Variants in PGLYRP4 observed in about 807,000 individuals in gnomAD.
The protein encoded by PGLYRP4 is peptidoglycan recognition protein 4.
Under a neutral mutation model 41.2 loss-of-function variants are expected in PGLYRP4, and 39 were observed. The ratio of observed to expected loss-of-function variants is 0.95; its 90% CI spans 0.73 to 1.24. The LOEUF (loss-of-function observed/expected upper bound fraction) is 1.24, where lower values mean the gene tolerates loss of function less well. Ranked by LOEUF, PGLYRP4 falls within the 50% of genes most tolerant of loss-of-function variation. The pLI is 0.00. For synonymous variants in PGLYRP4, 202 were observed against 186.8 expected (o/e 1.08, Z -0.66); for missense variants, 467 against 460.7 (o/e 1.01, Z -0.13).
intron 4 of PGLYRP4, among the ~76,000 whole-genome samples, chr1:153,344,471 A>C (rs1020768140): frequency 1.3e-5 from 2 of 152,152 alleles, no homozygotes; most frequent in African/African-American, 4.8e-5. Context: ...CCTGTCCCCC[A>C]GGAAGGCATT....
intron 4 of PGLYRP4, among the ~76,000 whole-genome samples, chr1:153,343,957 C>T (rs970796003): frequency 1.3e-5 from 2 of 152,182 alleles, no homozygotes; most frequent in East Asian, 3.9e-4. Flanking sequence ...AAGCACATTC[C>T]TTTCCCTTCA....
Position 153,337,761 on chromosome 1 carries a change from C to T in PGLYRP4, c.825-462G>A, listed in dbSNP as rs373371559. ...CCTTTTCTCCTTCTCACCAAGAAAACGGTTTCCCCCAAGGTGACCCAGGAT... is the reference window on the plus strand; with the variant it reads ...CCTTTTCTCCTTCTCACCAAGAAAATGGTTTCCCCCAAGGTGACCCAGGAT... On this transcript the variant is annotated intron_variant, in intron 7 of 8. Transcript: ENST00000359650. 3.9e-5 allele frequency among the ~76,000 whole-genome samples: 6 copies of T among 152,232 alleles called. No individual in the cohort carries two copies. The East Asian group carries it at 7.7e-4, about 20-fold the overall frequency.
At chr1:153,346,224 G>A (rs1557832338) in intron 2 of PGLYRP4, 33 bp from the exon 3 acceptor site, 1 of 1,516,324 alleles carries the variant, frequency 6.6e-7, no homozygotes, top group East Asian at 2.3e-5. Flanking sequence ...GCATCAGAGA[G>A]CACCAATACC....
At chr1:153,343,570 G>A (rs905609442) in intron 4 of PGLYRP4, among the ~76,000 whole-genome samples, 4 of 152,150 alleles carry the variant, frequency 2.6e-5, no homozygotes, top group African/African-American at 9.7e-5. Context: ...CCTCCAAAGT[G>A]TGTGCTGCCT....
chr1:153,340,281 G>A, intron 7 of PGLYRP4, 100 bp downstream of exon 7: 3 of 1,051,970 alleles, frequency 2.9e-6, no homozygotes, highest in Non-Finnish European at 4.4e-6. Context: ...CTCTCCTATG[G>A]TGACTACCCA....
intron 2 of PGLYRP4, among the ~76,000 whole-genome samples, chr1:153,347,113 C>T (rs1463370103): frequency 2.0e-5 from 3 of 152,084 alleles, no homozygotes; most frequent in Admixed American, 2.0e-4. Context: ...CTCACTCTGT[C>T]ACCAGGCTGG....
At chr1:153,340,847 T>C (rs900841206) in intron 6 of PGLYRP4, among the ~76,000 whole-genome samples, 7 of 152,246 alleles carry the variant, frequency 4.6e-5, no homozygotes, top group Non-Finnish European at 1.5e-5. Flanking sequence ...ATCATTTATG[T>C]TAACAGATGG....
rs775681320 is a variant in PGLYRP4 at position 153,330,669 on chromosome 1, G to C, written c.*98C>G. On this transcript the variant is annotated 3_prime_UTR_variant, in exon 9 of 9. Coordinates refer to ENST00000359650, the MANE Select transcript of PGLYRP4 (RefSeq NM_020393.4). Reference sequence around the variant, plus strand: ...AAGGAGGCACAGGACTGTGTGGCAGGGGAGGAGGGCAAAAGGTGTTGAGCC... The same window carrying C: ...AAGGAGGCACAGGACTGTGTGGCAGCGGAGGAGGGCAAAAGGTGTTGAGCC... 1.7e-5 allele frequency: 17 copies of C among 975,644 alleles called. No individual in the cohort carries two copies. The highest frequency in any genetic ancestry group is 2.7e-5 in the Non-Finnish European group (17 of 633,160). 60.4% of individuals were successfully genotyped at this position (975,644 alleles called of 1,614,324 possible). A position where few individuals can be genotyped will look rare whatever the true frequency, so the allele number is the denominator to read the frequency against.
chr1:153,340,270 C>T, intron 7 of PGLYRP4, 111 bp downstream of exon 7: 1 of 926,988 alleles, frequency 1.1e-6, no homozygotes, highest in East Asian at 2.5e-5. Flanking sequence ...CCATACAGTG[C>T]CTCTCCTATG....
At chr1:153,336,045 CGTGTGTGTGT>C (rs57345412) in intron 8 of PGLYRP4, among the ~76,000 whole-genome samples, 2 of 150,472 alleles carry the variant, frequency 1.3e-5, no homozygotes, top group African/African-American at 2.4e-5. Context: ...AGGGTGCGTG[CGTGTGTGTGT>C]GTGTGTGTGT....
chr1:153,335,382 A>T (rs1571127384), intron 8 of PGLYRP4, among the ~76,000 whole-genome samples: 1 of 152,198 alleles, frequency 6.6e-6, no homozygotes, highest in Non-Finnish European at 1.5e-5. Context: ...TGAGCAAAGG[A>T]TGTAGACAGA....
chr1:153,336,615 G>A (rs954193694), intron 8 of PGLYRP4, among the ~76,000 whole-genome samples: 6 of 152,036 alleles, frequency 3.9e-5, no homozygotes, highest in African/African-American at 7.2e-5. Flanking sequence ...GGGATAAGAC[G>A]TTATTTAATG....
intron 8 of PGLYRP4, 120 bp downstream of exon 8, chr1:153,337,061 G>A: frequency 1.2e-6 from 1 of 805,446 alleles, no homozygotes; most frequent in Non-Finnish European, 2.2e-6. Flanking sequence ...ATTGGAAGCT[G>A]GGTCAATCAA....
intron 8 of PGLYRP4, chr1:153,331,727 G>A (rs1660344759): frequency 6.6e-6 from 1 of 152,446 alleles, no homozygotes; most frequent in East Asian, 1.9e-4. Context: ...TTCCATATTT[G>A]TATGGAGAAA....
chr1:153,334,539 GA>G (rs1397731275), intron 8 of PGLYRP4, among the ~76,000 whole-genome samples: 1 of 149,064 alleles, frequency 6.7e-6, no homozygotes, highest in African/African-American at 2.5e-5. Context: ...AAACACTGAT[GA>G]AAAAAATTGT....
chr1:153,335,840 AT>A (rs1660536032), intron 8 of PGLYRP4, among the ~76,000 whole-genome samples: 1 of 152,230 alleles, frequency 6.6e-6, no homozygotes, highest in South Asian at 2.1e-4. Context: ...TACAACCTCT[AT>A]GGAGATTTAT....
intron 4 of PGLYRP4, among the ~76,000 whole-genome samples, chr1:153,344,470 C>G (rs550112303): frequency 6.6e-6 from 1 of 152,228 alleles, no homozygotes; most frequent in South Asian, 2.1e-4. Context: ...CCCTGTCCCC[C>G]AGGAAGGCAT....
chr1:153,337,610 C>T (rs765305488), intron 7 of PGLYRP4, among the ~76,000 whole-genome samples: 54 of 152,252 alleles, frequency 3.5e-4, no homozygotes, highest in Non-Finnish European at 6.9e-4. Context: ...CTCAAAATTC[C>T]AGAATCTCTA....
chr1:153,331,060 C>T, intron 8 of PGLYRP4, 115 bp from the exon 9 acceptor site: 1 of 799,946 alleles, frequency 1.3e-6, no homozygotes, highest in Non-Finnish European at 1.9e-6. Flanking sequence ...TTGGCAGCCT[C>T]CCTAGAGACA....
Sources: allele counts gnomAD v4.1 joint callset (sites outside exome capture counted in the v4.1 genomes callset), GRCh38; gene constraint gnomAD v4.1.1; transcripts MANE v1.5; gene names NCBI Gene and HGNC (gene_info 2026-07-23, HGNC 2026-07-21).